TRAPPC12: variants seen among roughly 807,000 people sequenced by gnomAD.
The protein encoded by TRAPPC12 is trafficking protein particle complex subunit 12.
Under a neutral mutation model 69.2 loss-of-function variants are expected in TRAPPC12, and 61 were observed. The ratio of observed to expected loss-of-function variants is 0.88; its 90% CI spans 0.72 to 1.09. The LOEUF (loss-of-function observed/expected upper bound fraction) is 1.09, where lower values mean the gene tolerates loss of function less well. Ranked by LOEUF, TRAPPC12 falls within the 50% of genes least tolerant of loss-of-function variation. TRAPPC12 has a pLI of 0.00. For missense variants in TRAPPC12, 1,101 were observed against 1,016.4 expected, an observed-to-expected ratio of 1.08 and a Z score of -1.13; for synonymous variants, 469 against 438.9, an observed-to-expected ratio of 1.07 and a Z score of -0.86.
At chr2:3,424,698 CT>C in intron 5 of TRAPPC12, 35 bp downstream of exon 5, 1 of 1,537,840 alleles carries the variant, frequency 6.5e-7, no homozygotes, top group African/African-American at 1.4e-5. Flanking sequence ...GTACATTTGT[CT>C]GTGTGTCGCT....
intron 9 of TRAPPC12, among the ~76,000 whole-genome samples, chr2:3,468,438 C>T (rs992804962): frequency 6.6e-6 from 1 of 152,056 alleles, no homozygotes; most frequent in Non-Finnish European, 1.5e-5. Context: ...CCCATACAAC[C>T]GCCTGCCGTG....
intron 9 of TRAPPC12, among the ~76,000 whole-genome samples, chr2:3,465,979 C>T (rs1017367891): frequency 5.9e-5 from 9 of 152,198 alleles, no homozygotes; most frequent in African/African-American, 2.2e-4. Flanking sequence ...GCTGCAGTTA[C>T]GAAAGCACTG....
chr2:3,459,680 C>T (rs1374685993), intron 7 of TRAPPC12, among the ~76,000 whole-genome samples: 2 of 152,242 alleles, frequency 1.3e-5, no homozygotes, highest in Non-Finnish European at 2.9e-5. Flanking sequence ...GGAAGGAAGC[C>T]AGCTGCAGGG....
rs190344594 is a variant in TRAPPC12 at position 3,473,887 on chromosome 2, A to G, written c.1777-3808A>G. ...ACTACAGATTTAATATCATCTAGCA[A>G]CCTATGTGGCTGTTAACATAGCTGT... On this transcript the variant is annotated intron_variant, in intron 9 of 11. Transcript: ENST00000324266. Among the ~76,000 whole-genome samples the G allele has an allele frequency of 1.2e-3, 189 of 152,310 alleles. 1 individual carries two copies. Among genetic ancestry groups the G allele is most frequent in the African/African-American group, 4.5e-3 (185 of 41,560 alleles).
At chr2:3,407,842 AG>A (rs2103483027) in intron 3 of TRAPPC12, among the ~76,000 whole-genome samples, 1 of 152,266 alleles carries the variant, frequency 6.6e-6, no homozygotes, top group East Asian at 1.9e-4. Context: ...GCCACCAGGA[AG>A]GGGAATAAGG....
chr2:3,465,437 C>G (rs56317154), intron 8 of TRAPPC12, among the ~76,000 whole-genome samples, 160 bp from the exon 9 acceptor site: 1,742 of 152,300 alleles, frequency 0.011, 38 homozygotes, highest in African/African-American at 0.04. Flanking sequence ...CGCCCCCTGG[C>G]AGCCGAGCAC....
chr2:3,390,027 TA>T (rs899794265), intron 2 of TRAPPC12, among the ~76,000 whole-genome samples: 11 of 152,018 alleles, frequency 7.2e-5, no homozygotes, highest in African/African-American at 2.7e-4. Context: ...TAGGTATATG[TA>T]AAATAGGTGA....
chr2:3,479,357 G>A lies in TRAPPC12; in HGVS notation c.2104G>A (p.Glu702Lys). The change falls in exon 12 of 12, where the codon GAG becomes AAG. Residue 702 changes from glutamate (E) to lysine (K), a missense_variant. By Grantham distance (56) the Glu-to-Lys change is moderately conservative. Coordinates refer to ENST00000324266, the MANE Select transcript of TRAPPC12 (RefSeq NM_016030.6). ...SVLFNLTTMY[E>K]LESSRSMQKK... ...GCTCTTCAACCTGACCACCATGTAC[G>A]AGCTGGAGTCCTCACGGAGCATGCA... is the stretch of plus-strand genomic sequence containing the variant. The A allele has an allele frequency of 1.2e-6, 2 of 1,614,198 alleles. No homozygotes were observed. The highest frequency in any genetic ancestry group is 1.7e-6 in the Non-Finnish European group (2 of 1,180,040).
chr2:3,459,939 C>G, intron 7 of TRAPPC12: 1 of 425,660 alleles, frequency 2.3e-6, no homozygotes, highest in South Asian at 2.2e-5. Flanking sequence ...GTCAGCTTTG[C>G]TCCTTTTCTC....
At chr2:3,447,291 C>T (rs1664562117) in intron 6 of TRAPPC12, among the ~76,000 whole-genome samples, 1 of 152,100 alleles carries the variant, frequency 6.6e-6, no homozygotes, top group Admixed American at 6.5e-5. Flanking sequence ...AGAGACAGGG[C>T]TTCACCATGG....
In TRAPPC12 at chr2:3,457,112, G is replaced by A. The variant is rs569171427; in HGVS notation, c.1531-509G>A. On this transcript the variant is annotated intron_variant, in intron 6 of 11. Transcript: ENST00000324266. Reference sequence around the variant, plus strand: ...GTGCACATACACTGTGGAATACTACGCAGCCGTAAAAAAAGAACCAAATCA... The same window carrying A: ...GTGCACATACACTGTGGAATACTACACAGCCGTAAAAAAAGAACCAAATCA... 88 of 464,502 alleles carry A rather than the reference G, an allele frequency of 1.9e-4. No individual in the cohort carries two copies. The East Asian group carries it at 2.7e-3, about 14-fold the overall frequency. 28.8% of individuals were successfully genotyped at this position (464,502 alleles called of 1,614,324 possible). A position where few individuals can be genotyped will look rare whatever the true frequency, so the allele number is the denominator to read the frequency against.
chr2:3,436,717 T>G (rs1407436174), intron 5 of TRAPPC12, among the ~76,000 whole-genome samples: 1 of 151,274 alleles, frequency 6.6e-6, no homozygotes, highest in East Asian at 1.9e-4. Flanking sequence ...TGTGTATTAA[T>G]CCCCCCACCA....
intron 2 of TRAPPC12, among the ~76,000 whole-genome samples, chr2:3,393,801 TCC>T (rs1660966536): frequency 6.6e-6 from 1 of 152,098 alleles, no homozygotes; most frequent in South Asian, 2.1e-4. Context: ...CGTAGACATA[TCC>T]CTGATCAGTA....
chr2:3,424,735 T>C (rs1171860795), intron 5 of TRAPPC12, 72 bp downstream of exon 5: 50 of 1,452,066 alleles, frequency 3.4e-5, no homozygotes, highest in Middle Eastern at 1.8e-4. Context: ...TTATACATAA[T>C]TTCGTAGCCT....
chr2:3,388,977 T>C, intron 2 of TRAPPC12: 1 of 304,818 alleles, frequency 3.3e-6, no homozygotes. Flanking sequence ...TGAACTCCAG[T>C]TAATAATAAA....
At chr2:3,405,924 C>G (rs1342326731) in intron 3 of TRAPPC12, among the ~76,000 whole-genome samples, 1 of 152,232 alleles carries the variant, frequency 6.6e-6, no homozygotes, top group Admixed American at 6.5e-5. Flanking sequence ...CCTGAATCCA[C>G]TTCCCATAGG....
chr2:3,419,278 A>C (rs1662634266), intron 3 of TRAPPC12, among the ~76,000 whole-genome samples: 1 of 152,152 alleles, frequency 6.6e-6, no homozygotes, highest in African/African-American at 2.4e-5. Flanking sequence ...CATATATAGA[A>C]CTGGTTCAGA....
intron 11 of TRAPPC12, 99 bp downstream of exon 11, chr2:3,479,032 C>T (rs1666426442): frequency 2.7e-6 from 4 of 1,482,132 alleles, no homozygotes; most frequent in Admixed American, 1.9e-5. Context: ...CGCTCTCTCT[C>T]TCCAGTCCAC....
At chr2:3,468,450 GCA>G (rs1436084985) in intron 9 of TRAPPC12, among the ~76,000 whole-genome samples, 3 of 152,070 alleles carry the variant, frequency 2.0e-5, no homozygotes, top group Non-Finnish European at 4.4e-5. Context: ...CCTGCCGTGA[GCA>G]GTCATCATCG....
Sources: gnomAD v4.1 joint callset for allele counts (sites outside exome capture counted in the v4.1 genomes callset) on GRCh38, gnomAD v4.1.1 for gene constraint, MANE v1.5 for transcripts, NCBI Gene and HGNC (gene_info 2026-07-23, HGNC 2026-07-21) for gene names.